Variants in ARHGAP15 observed in about 807,000 individuals in gnomAD.
ARHGAP15 encodes the protein rho GTPase-activating protein 15.
Under a neutral mutation model 63.7 loss-of-function variants are expected in ARHGAP15, and 51 were observed. The ratio of observed to expected loss-of-function variants is 0.80; its 90% CI spans 0.64 to 1.01. The LOEUF (loss-of-function observed/expected upper bound fraction) is 1.01. Ranked by LOEUF, ARHGAP15 falls within the 50% of genes least tolerant of loss-of-function variation. The pLI is 0.00. For missense variants in ARHGAP15, 560 were observed against 564.6 expected, an observed-to-expected ratio of 0.99 and a Z score of 0.08; for synonymous variants, 191 against 193.8, an observed-to-expected ratio of 0.99 and a Z score of 0.12.
chr2:143,500,808 A>G (rs995525843), intron 9 of ARHGAP15, among the ~76,000 whole-genome samples: 21 of 152,192 alleles, frequency 1.4e-4, no homozygotes, highest in African/African-American at 5.1e-4. Flanking sequence ...CATTTTCACA[A>G]GATATAATTC....
At chr2:143,475,095 G>A (rs1014157092) in intron 8 of ARHGAP15, among the ~76,000 whole-genome samples, 5 of 152,210 alleles carry the variant, frequency 3.3e-5, no homozygotes, top group African/African-American at 1.2e-4. Context: ...CACATCAAGT[G>A]TCAGAATGAT....
chr2:143,615,134 A>G (rs1698403984), intron 11 of ARHGAP15, among the ~76,000 whole-genome samples: 1 of 152,218 alleles, frequency 6.6e-6, no homozygotes, highest in Non-Finnish European at 1.5e-5. Context: ...GAATCCAACT[A>G]ATCGAGATAA....
At chr2:143,445,298 C>T (rs1385672569) in intron 8 of ARHGAP15, among the ~76,000 whole-genome samples, 1 of 150,662 alleles carries the variant, frequency 6.6e-6, no homozygotes, top group Non-Finnish European at 1.5e-5. Flanking sequence ...GTAGCTGGGA[C>T]TACAGGCTCG....
At chr2:143,160,554 A>G (rs1207604678) in intron 2 of ARHGAP15, among the ~76,000 whole-genome samples, 1 of 151,976 alleles carries the variant, frequency 6.6e-6, no homozygotes, top group Non-Finnish European at 1.5e-5. Flanking sequence ...TGCTTTCAAG[A>G]CAGTGCTTTC....
intron 1 of ARHGAP15, among the ~76,000 whole-genome samples, chr2:143,131,570 A>T (rs1245146422): frequency 2.0e-5 from 3 of 152,160 alleles, no homozygotes; most frequent in African/African-American, 7.2e-5. Flanking sequence ...TAGACTTGGT[A>T]CCTAGAAAGA....
At chr2:143,627,350 G>A (rs890558805) in intron 12 of ARHGAP15, among the ~76,000 whole-genome samples, 13 of 152,054 alleles carry the variant, frequency 8.5e-5, no homozygotes, top group Non-Finnish European at 1.6e-4. Context: ...ACTAACCCAC[G>A]TATTTTTGAT....
At chr2:143,353,215 A>T (rs1221915145) in intron 6 of ARHGAP15, among the ~76,000 whole-genome samples, 2 of 152,172 alleles carry the variant, frequency 1.3e-5, no homozygotes, top group African/African-American at 4.8e-5. Flanking sequence ...TGTAGGGCCC[A>T]AGAGTTTGAG....
At chr2:143,612,202 C>T (rs1044988183) in intron 11 of ARHGAP15, among the ~76,000 whole-genome samples, 1 of 152,194 alleles carries the variant, frequency 6.6e-6, no homozygotes, top group African/African-American at 2.4e-5. Context: ...CACCTTTGCA[C>T]TGGTCATAAT....
At chr2:143,731,437 G>A (rs993473569) in intron 13 of ARHGAP15, among the ~76,000 whole-genome samples, 1 of 152,064 alleles carries the variant, frequency 6.6e-6, no homozygotes, top group South Asian at 2.1e-4. Flanking sequence ...TCCACCAAAT[G>A]AATGAATTTT....
chr2:143,755,725 C>A (rs994111745), intron 13 of ARHGAP15, among the ~76,000 whole-genome samples: 1 of 152,102 alleles, frequency 6.6e-6, no homozygotes, highest in Non-Finnish European at 1.5e-5. Flanking sequence ...CCTGTAATCC[C>A]AGCACTTTGG....
At chr2:143,658,301 T>C (rs1190665240) in intron 12 of ARHGAP15, among the ~76,000 whole-genome samples, 1 of 152,228 alleles carries the variant, frequency 6.6e-6, no homozygotes, top group African/African-American at 2.4e-5. Flanking sequence ...AGAAGACATG[T>C]ATAGGCAGTA....
At chr2:143,704,514 G>A (rs1312874611) in intron 13 of ARHGAP15, among the ~76,000 whole-genome samples, 3 of 152,152 alleles carry the variant, frequency 2.0e-5, no homozygotes, top group Non-Finnish European at 4.4e-5. Context: ...CGATAGTATC[G>A]CAGAGATGGG....
intron 12 of ARHGAP15, among the ~76,000 whole-genome samples, chr2:143,700,350 T>C (rs1026746860): frequency 6.6e-5 from 10 of 152,180 alleles, no homozygotes; most frequent in African/African-American, 2.4e-4. Context: ...GACTGGATCA[T>C]GTTCCCTATA....
intron 3 of ARHGAP15, among the ~76,000 whole-genome samples, chr2:143,206,118 T>C (rs1024939154): frequency 1.3e-5 from 2 of 152,144 alleles, no homozygotes; most frequent in Admixed American, 6.6e-5. Context: ...GGAGCTTGGA[T>C]TTCCTGTAGC....
chr2:143,693,797 T>G lies in ARHGAP15; in HGVS notation c.1139-9622T>G, dbSNP rs568742529. 1.6e-4 allele frequency among the ~76,000 whole-genome samples: 24 copies of G among 152,318 alleles called. No individual in the cohort carries two copies. The East Asian group carries it at 1.7e-3, about 11-fold the overall frequency. ...AATCTTCTACTCCATTATAACTTACTAACAGTCTGAAAGAACTCACTAGCA... is the reference window on the plus strand; with the variant it reads ...AATCTTCTACTCCATTATAACTTACGAACAGTCTGAAAGAACTCACTAGCA... On this transcript the variant is annotated intron_variant, in intron 12 of 13. Coordinates refer to ENST00000295095, the MANE Select transcript of ARHGAP15 (RefSeq NM_018460.4).
At chr2:143,314,111 C>A (rs1683585474) in intron 6 of ARHGAP15, among the ~76,000 whole-genome samples, 1 of 152,038 alleles carries the variant, frequency 6.6e-6, no homozygotes, top group African/African-American at 2.4e-5. Context: ...ATTTAACTGG[C>A]AGCCCACCCC....
intron 10 of ARHGAP15, among the ~76,000 whole-genome samples, chr2:143,529,414 A>G (rs960071983): frequency 6.6e-6 from 1 of 151,902 alleles, no homozygotes; most frequent in Non-Finnish European, 1.5e-5. Flanking sequence ...CTTTGTTCTT[A>G]TTTCTGCCCA....
intron 13 of ARHGAP15, among the ~76,000 whole-genome samples, chr2:143,757,645 G>C (rs2105541458): frequency 6.6e-6 from 1 of 152,232 alleles, no homozygotes; most frequent in South Asian, 2.1e-4. Context: ...ATGGAGAGTG[G>C]TGGTTTATTC....
chr2:143,506,414 TAGTC>T (rs1468382670), intron 9 of ARHGAP15, among the ~76,000 whole-genome samples: 1 of 152,190 alleles, frequency 6.6e-6, no homozygotes, highest in African/African-American at 2.4e-5. Context: ...AGTTCCTACT[TAGTC>T]AAGTAAGTGA....
Sources: gnomAD v4.1 joint callset for allele counts (sites outside exome capture counted in the v4.1 genomes callset) on GRCh38, gnomAD v4.1.1 for gene constraint, MANE v1.5 for transcripts, NCBI Gene and HGNC (gene_info 2026-07-23, HGNC 2026-07-21) for gene names.